DLGAP5: variants seen among roughly 807,000 people sequenced by gnomAD.
DLGAP5 encodes the protein disks large-associated protein 5.
DLGAP5 carries 90 observed loss-of-function variants against 99.6 expected under a neutral mutation model. The observed-to-expected ratio is 0.90, with a 90% confidence interval of 0.76 to 1.08. The LOEUF is 1.08. DLGAP5 is among the 50% of genes least tolerant of loss of function. The pLI, the probability that DLGAP5 is intolerant of heterozygous loss-of-function variation, is 0.00. For synonymous variants in DLGAP5, 311 were observed against 321.3 expected (o/e 0.97, Z 0.34); for missense variants, 1,036 against 983.5 (o/e 1.05, Z -0.71).
At chr14:55,189,271 C>T (rs1004281847) in intron 1 of DLGAP5, 91 bp from the exon 2 acceptor site, 17 of 901,948 alleles carry the variant, frequency 1.9e-5, no homozygotes, top group Admixed American at 2.6e-5. Flanking sequence ...CACTTCAGGG[C>T]CTTCTGAAAT....
At chr14:55,186,195 C>G (rs1289381223) in intron 2 of DLGAP5, among the ~76,000 whole-genome samples, 1 of 152,096 alleles carries the variant, frequency 6.6e-6, no homozygotes, top group East Asian at 1.9e-4. Flanking sequence ...CACTTGAACC[C>G]GGGAGGCAGA....
intron 15 of DLGAP5, among the ~76,000 whole-genome samples, chr14:55,153,949 G>A (rs1414478814): frequency 6.6e-6 from 1 of 152,040 alleles, no homozygotes; most frequent in African/African-American, 2.4e-5. Flanking sequence ...CTAGCTACTC[G>A]GGAGGCTGAG....
At position 55,177,255 on chromosome 14, in the gene DLGAP5, C is replaced by T. The variant is rs368340437; in HGVS notation, c.856G>A (p.Val286Ile). ...NATSGMNPDG[V>I]LSKMENLPEI... Reference sequence around the variant, plus strand: ...GGTAAGTTTTCCATTTTTGATAAGACTCCATCTGGATTCATTCCACTTGTT... The same window carrying T: ...GGTAAGTTTTCCATTTTTGATAAGATTCCATCTGGATTCATTCCACTTGTT... The change falls in exon 8 of 19, where the codon GTC becomes ATC. Residue 286 changes from valine (V) to isoleucine (I), a missense_variant. By Grantham distance (29) the Val-to-Ile change is conservative. Transcript: ENST00000247191. 225 of 1,613,014 alleles carry T rather than the reference C, an allele frequency of 1.4e-4. No individual in the cohort carries two copies. Among genetic ancestry groups the T allele is most frequent in the Non-Finnish European group, 1.8e-4 (215 of 1,179,702 alleles).
chr14:55,161,230 T>C (rs760204078), intron 13 of DLGAP5, among the ~76,000 whole-genome samples: 1 of 152,070 alleles, frequency 6.6e-6, no homozygotes, highest in Non-Finnish European at 1.5e-5. Context: ...GACATAGCCA[T>C]GATCTGCATC....
intron 18 of DLGAP5, 42 bp from the exon 19 acceptor site, chr14:55,148,515 G>C: frequency 6.2e-7 from 1 of 1,613,178 alleles, no homozygotes; most frequent in East Asian, 2.2e-5. Flanking sequence ...TATCCATCAA[G>C]AGTTTCACCA....
rs188059034 is a variant in DLGAP5 at position 55,181,351 on chromosome 14, C to T, written c.496-54G>A. Reference sequence around the variant, plus strand: ...TTAATTGCATAATGAATCAGACCATCATATTTTTAATCTGTAAATTGATTC... The same window carrying T: ...TTAATTGCATAATGAATCAGACCATTATATTTTTAATCTGTAAATTGATTC... On this transcript the variant is annotated intron_variant, in intron 4 of 18. Coordinates refer to ENST00000247191, the MANE Select transcript of DLGAP5 (RefSeq NM_014750.5). The T allele has an allele frequency of 4.2e-6, 6 of 1,433,748 alleles. No homozygotes were observed. The African/African-American group carries it at 4.3e-5, about 10-fold the overall frequency. 88.8% of individuals were successfully genotyped at this position (1,433,748 alleles called of 1,614,324 possible).
At chr14:55,155,513 AT>A (rs1264145389) in intron 14 of DLGAP5, among the ~76,000 whole-genome samples, 31 of 128,034 alleles carry the variant, frequency 2.4e-4, no homozygotes, top group African/African-American at 8.0e-4. Flanking sequence ...CGCCTGGCTA[AT>A]TTTTTGTATT....
chr14:55,172,784 C>T (rs1380070488), intron 10 of DLGAP5, among the ~76,000 whole-genome samples: 1 of 151,704 alleles, frequency 6.6e-6, no homozygotes, highest in Admixed American at 6.6e-5. Context: ...GAGTTCGAGA[C>T]CAGCTTGACC....
At chr14:55,171,425 G>C (rs1882855140) in intron 10 of DLGAP5, among the ~76,000 whole-genome samples, 1 of 152,170 alleles carries the variant, frequency 6.6e-6, no homozygotes, top group Non-Finnish European at 1.5e-5. Context: ...ATAATGCTAA[G>C]ATTGAGAAAC....
intron 4 of DLGAP5, 81 bp downstream of exon 4, chr14:55,182,289 G>T: frequency 8.5e-7 from 1 of 1,170,498 alleles, no homozygotes; most frequent in Non-Finnish European, 1.2e-6. Context: ...GTTTGAATCT[G>T]ATACTAGATT....
intron 1 of DLGAP5, 145 bp from the exon 2 acceptor site, chr14:55,189,325 A>G (rs1883533531): frequency 1.5e-6 from 1 of 687,052 alleles, no homozygotes. Flanking sequence ...AACACTGAAA[A>G]GTGAGAAGAA....
At chr14:55,159,981 T>A (rs1045949969) in intron 13 of DLGAP5, among the ~76,000 whole-genome samples, 1 of 151,944 alleles carries the variant, frequency 6.6e-6, no homozygotes, top group Non-Finnish European at 1.5e-5. Context: ...GGCAGGAGGA[T>A]CACTTGAGGC....
chr14:55,186,756 C>T (rs1883448531), intron 2 of DLGAP5, among the ~76,000 whole-genome samples: 1 of 152,206 alleles, frequency 6.6e-6, no homozygotes, highest in African/African-American at 2.4e-5. Context: ...TCCAAATTCT[C>T]ACCTCTATTA....
intron 6 of DLGAP5, 32 bp downstream of exon 6, chr14:55,180,624 A>G (rs757510941): frequency 5.0e-6 from 8 of 1,613,092 alleles, no homozygotes; most frequent in Non-Finnish European, 5.9e-6. Flanking sequence ...CAAACATTCT[A>G]GTTCAGTCAC....
intron 2 of DLGAP5, 123 bp downstream of exon 2, chr14:55,188,819 G>T (rs992346891): frequency 1.0e-5 from 6 of 595,030 alleles, no homozygotes; most frequent in South Asian, 7.7e-5. Context: ...GACCAAAAAG[G>T]AAAGTTATTT....
chr14:55,155,690 A>T (rs1882191456), intron 14 of DLGAP5, among the ~76,000 whole-genome samples: 4 of 152,164 alleles, frequency 2.6e-5, no homozygotes, highest in Admixed American at 2.6e-4. Context: ...GACAAAGGAA[A>T]CTAAAGAAGA....
At chr14:55,183,315 C>A (rs1056396588) in intron 3 of DLGAP5, among the ~76,000 whole-genome samples, 8 of 152,188 alleles carry the variant, frequency 5.3e-5, no homozygotes, top group Non-Finnish European at 7.3e-5. Flanking sequence ...AGGATAAACA[C>A]CAAATCCTTT....
Position 55,158,727 on chromosome 14 carries a change from T to C in DLGAP5, c.1668A>G (p.Ser556=). Residue 556 remains serine, a synonymous_variant, in exon 14 of 19, where the codon TCA becomes TCG. Coordinates refer to ENST00000247191, the MANE Select transcript of DLGAP5 (RefSeq NM_014750.5). ...CCTGTTTTGGTTTACTTGCTATACC[T>C]GAGACAACTTTTTTCTGCAAAGAGA... ...NKNVFRKKVV[S]GIASKPKQDD... 2 of 1,613,096 alleles carry C rather than the reference T, an allele frequency of 1.2e-6. No individual in the cohort carries two copies. The highest frequency in any genetic ancestry group is 1.7e-6 in the Non-Finnish European group (2 of 1,179,328).
At chr14:55,179,008 T>C (rs998324272) in intron 7 of DLGAP5, among the ~76,000 whole-genome samples, 14 of 151,934 alleles carry the variant, frequency 9.2e-5, no homozygotes, top group Admixed American at 2.0e-4. Context: ...GATCGCGCCA[T>C]TGCACTCGAG....
Sources: gnomAD v4.1 joint callset for allele counts (sites outside exome capture counted in the v4.1 genomes callset) on GRCh38, gnomAD v4.1.1 for gene constraint, MANE v1.5 for transcripts, NCBI Gene and HGNC (gene_info 2026-07-23, HGNC 2026-07-21) for gene names.